The following ATOSA variants were observed in gnomAD, a reference collection of about 807,000 sequenced individuals.
ATOSA encodes atos homolog A, also known as atos homolog protein A.
chr15:52,677,125 T>C, the ATOSA span, among the ~76,000 whole-genome samples: 3 of 152,144 alleles, frequency 2.0e-5, no homozygotes, highest in Admixed American at 6.5e-5. Context: ...AAACAACCAG[T>C]TTAATATATA....
the ATOSA span, among the ~76,000 whole-genome samples, chr15:52,599,013 G>A: frequency 1.3e-5 from 2 of 152,206 alleles, no homozygotes; most frequent in Admixed American, 1.3e-4. Context: ...GGCCTCATCA[G>A]AAGCAGATGC....
chr15:52,663,631 G>C, the ATOSA span, among the ~76,000 whole-genome samples: 1 of 152,016 alleles, frequency 6.6e-6, no homozygotes, highest in Non-Finnish European at 1.5e-5. Flanking sequence ...AATCAAAACT[G>C]TTTTTTCTGA....
chr15:52,693,005 A>G, the ATOSA span, among the ~76,000 whole-genome samples: 1 of 152,226 alleles, frequency 6.6e-6, no homozygotes, highest in Non-Finnish European at 1.5e-5. Flanking sequence ...CACACCTAAC[A>G]GTTGAAAGCT....
At chr15:52,674,808 TTATA>T in the ATOSA span, among the ~76,000 whole-genome samples, 1 of 151,628 alleles carries the variant, frequency 6.6e-6, no homozygotes, top group Non-Finnish European at 1.5e-5. Flanking sequence ...TTTGTAATGC[TTATA>T]TATAAGCTTA....
chr15:52,627,059 A>AC, the ATOSA span, among the ~76,000 whole-genome samples: 1 of 151,930 alleles, frequency 6.6e-6, no homozygotes, highest in Non-Finnish European at 1.5e-5. Flanking sequence ...AACCCCTCTG[A>AC]CCCCTATTTT....
chr15:52,675,635 G>A, the ATOSA span, among the ~76,000 whole-genome samples: 7 of 152,314 alleles, frequency 4.6e-5, no homozygotes, highest in East Asian at 1.2e-3. Flanking sequence ...TAGGCCGGGC[G>A]CGGTGGCTCA....
At chr15:52,610,569 G>A in the ATOSA span, among the ~76,000 whole-genome samples, 1 of 152,266 alleles carries the variant, frequency 6.6e-6, no homozygotes, top group East Asian at 1.9e-4. Context: ...TGATATAATA[G>A]CTTATGCTTG....
the ATOSA span, chr15:52,651,890 T>A: frequency 6.5e-7 from 1 of 1,535,572 alleles, no homozygotes; most frequent in Non-Finnish European, 8.7e-7. Context: ...AAGCCCTTTG[T>A]TTCCACTGAA....
At chr15:52,676,517 GA>G in the ATOSA span, among the ~76,000 whole-genome samples, 1 of 150,068 alleles carries the variant, frequency 6.7e-6, no homozygotes, top group Non-Finnish European at 1.5e-5. Flanking sequence ...TTTAGTAAAA[GA>G]AAAAAAAAGC....
chr15:52,652,277 A>T, the ATOSA span, among the ~76,000 whole-genome samples: 1 of 152,240 alleles, frequency 6.6e-6, no homozygotes, highest in Non-Finnish European at 1.5e-5. Context: ...TTGCCCCTGA[A>T]ATGTGTTTCT....
the ATOSA span, among the ~76,000 whole-genome samples, chr15:52,703,696 G>T: frequency 0.39 from 59,085 of 151,394 alleles, 11,971 homozygotes; most frequent in Admixed American, 0.49. Flanking sequence ...CTGTTAGGGG[G>T]TGGGGGGCTA....
chr15:52,663,456 C>T, the ATOSA span, among the ~76,000 whole-genome samples: 2 of 152,120 alleles, frequency 1.3e-5, no homozygotes, highest in African/African-American at 2.4e-5. Flanking sequence ...GGTCATACCA[C>T]AGAATAGTTC....
chr15:52,683,868 C>T, the ATOSA span, among the ~76,000 whole-genome samples: 3 of 152,328 alleles, frequency 2.0e-5, no homozygotes, highest in East Asian at 3.9e-4. Flanking sequence ...ACATGAGATC[C>T]CTCCCCAACT....
At chr15:52,704,041 A>G in the ATOSA span, among the ~76,000 whole-genome samples, 3 of 152,320 alleles carry the variant, frequency 2.0e-5, no homozygotes, top group Middle Eastern at 6.8e-3. Context: ...TAAGGAAGAA[A>G]GAAAACATAC....
the ATOSA span, among the ~76,000 whole-genome samples, chr15:52,690,952 G>A: frequency 1.3e-5 from 2 of 152,322 alleles, no homozygotes; most frequent in Admixed American, 1.3e-4. Context: ...ATTCTGTGAT[G>A]ATCCTGCTGG....
chr15:52,658,718 A>G, the ATOSA span: 6 of 355,804 alleles, frequency 1.7e-5, no homozygotes, highest in East Asian at 2.4e-4. Context: ...GTAATTCCAG[A>G]CTTTAGGAGG....
chr15:52,610,138 C>T, the ATOSA span: 1 of 1,614,022 alleles, frequency 6.2e-7, no homozygotes, highest in South Asian at 1.1e-5. Flanking sequence ...GTTTGTACCA[C>T]ATTGTTCTGC....
the ATOSA span, among the ~76,000 whole-genome samples, chr15:52,627,565 A>T: frequency 6.6e-6 from 1 of 152,188 alleles, no homozygotes; most frequent in Non-Finnish European, 1.5e-5. Flanking sequence ...ATGTTGAAGT[A>T]TGACCAACTG....
the ATOSA span, among the ~76,000 whole-genome samples, chr15:52,606,111 AGGG>A: frequency 6.6e-6 from 1 of 152,070 alleles, no homozygotes; most frequent in Non-Finnish European, 1.5e-5. Flanking sequence ...ACCGTGGATA[AGGG>A]GCGACTACTG....
Sources: allele counts gnomAD v4.1 joint callset (sites outside exome capture counted in the v4.1 genomes callset), GRCh38; gene constraint gnomAD v4.1.1; transcripts MANE v1.5; gene names NCBI Gene and HGNC (gene_info 2026-07-23, HGNC 2026-07-21).